The following KDM1B variants were observed in gnomAD, a reference collection of about 807,000 sequenced individuals.
The protein encoded by KDM1B is lysine demethylase 1B, also known as lysine-specific histone demethylase 2.
In KDM1B, 63 loss-of-function variants were observed where a neutral mutation model predicts 107.4. That is an observed-to-expected ratio of 0.59 (90% CI 0.48 to 0.72). The LOEUF (loss-of-function observed/expected upper bound fraction) is 0.72, where lower values mean the gene tolerates loss of function less well. Among genes scored for constraint, KDM1B ranks in the 30% least tolerant of loss-of-function variants. The pLI is 0.00. For missense variants in KDM1B, 749 were observed against 1,020.8 expected (o/e 0.73, Z 3.63); for synonymous variants, 363 against 363.9 (o/e 1.00, Z 0.03).
intron 7 of KDM1B, among the ~76,000 whole-genome samples, chr6:18,174,601 C>T (rs967223393): frequency 1.3e-5 from 2 of 151,922 alleles, no homozygotes; most frequent in Non-Finnish European, 2.9e-5. Context: ...AGCCGTTTGT[C>T]CCTAGCCCCC....
At position 18,169,234 on chromosome 6, in the gene KDM1B, AT is replaced by A. The variant is rs1177850023; in HGVS notation, c.418-2113del. ...AGTTGTAAGAATTATATATATATAA[AT>A]TTTTTTTTTTTTTTTGAGATGGAGT... On this transcript the variant is annotated intron_variant, in intron 6 of 21. Coordinates refer to ENST00000650836, the MANE Select transcript of KDM1B (RefSeq NM_001364614.2). Among the ~76,000 whole-genome samples, 971 of 140,370 alleles carry A rather than the reference AT, an allele frequency of 6.9e-3. 1 individual carries two copies. Among genetic ancestry groups the A allele is most frequent in the Non-Finnish European group, 9.2e-3 (596 of 64,712 alleles). The allele number at this position is 140,370 out of a possible 152,430, so 92.1% of individuals were successfully genotyped here. A position where few individuals can be genotyped will look rare whatever the true frequency, so the allele number is the denominator to read the frequency against.
intron 21 of KDM1B, among the ~76,000 whole-genome samples, chr6:18,219,336 A>C (rs1051201801): frequency 6.6e-6 from 1 of 152,184 alleles, no homozygotes; most frequent in Non-Finnish European, 1.5e-5. Context: ...TTATCTGCTA[A>C]AATAAAGATG....
At chr6:18,215,472 T>C (rs1228909560) in intron 20 of KDM1B, among the ~76,000 whole-genome samples, 1 of 152,204 alleles carries the variant, frequency 6.6e-6, no homozygotes, top group Non-Finnish European at 1.5e-5. Context: ...TCACATGGGC[T>C]TCCCTCTGTG....
chr6:18,169,919 TA>T (rs1438269299), intron 6 of KDM1B, among the ~76,000 whole-genome samples: 5 of 152,140 alleles, frequency 3.3e-5, no homozygotes, highest in Non-Finnish European at 7.3e-5. Flanking sequence ...TTTATTTATT[TA>T]TTTTTTTGAG....
Position 18,201,627 on chromosome 6 carries a change from A to T in KDM1B, c.1501A>T (p.Lys501Ter). The change falls in exon 14 of 22, where the codon AAG (lysine) becomes TAG (stop). Residue 501 changes from lysine (K) to a stop codon, truncating the protein, a stop_gained. Transcript: ENST00000650836. LOFTEE classifies it high-confidence loss of function. This position sits in a 1 kb window ranked among gnomAD's most constrained non-coding sequence, Gnocchi z 4.3. ...TGTTGTCTCTGAGTGGAGAAAGGAT[A>T]AGACTCAGCTCCAAGATGTCCCTTT... The part of the protein sequence containing the change: ...LDVVSEWRKD[K>*]TQLQDVPLGE... 1 of 1,550,806 alleles carries T rather than the reference A, an allele frequency of 6.4e-7. No individual in the cohort carries two copies. The highest frequency in any genetic ancestry group is 8.7e-7 in the Non-Finnish European group (1 of 1,146,970).
In KDM1B at chr6:18,223,231, TTGAG is replaced by T. The variant is rs1015197072; in HGVS notation, c.*1241_*1244del. Reference sequence around the variant, plus strand: ...ATGACTTTAAAGAGACTTCAAAATATTGAGTATTTTAAAAATTTAAAAGTAGGTC... The same window carrying T: ...ATGACTTTAAAGAGACTTCAAAATATTATTTTAAAAATTTAAAAGTAGGTC... On this transcript the variant is annotated 3_prime_UTR_variant, in exon 22 of 22. Coordinates refer to ENST00000650836, the MANE Select transcript of KDM1B (RefSeq NM_001364614.2). The T allele has an allele frequency of 1.6e-4, 25 of 152,656 alleles. No homozygotes were observed. Among genetic ancestry groups the T allele is most frequent in the African/African-American group, 6.0e-4 (25 of 41,546 alleles). The allele number at this position is 152,656 out of a possible 1,614,324, so 9.5% of individuals were successfully genotyped here.
chr6:18,187,959 C>A lies in KDM1B; in HGVS notation c.741C>A (p.Ser247Arg). The part of the protein sequence containing the change: ...TNRAAATGNA[S>R]PGKLEHSKAA... ...GCGCCGCTGCCACTGGCAATGCCAG[C>A]CCTGGGAAGCTGGAGCACTCCAAGG... is the stretch of plus-strand genomic sequence containing the variant. Residue 247 changes from serine to arginine, a missense_variant, in exon 9 of 22, where the codon AGC (serine) becomes AGA (arginine). Ser to Arg is a moderately radical substitution (Grantham distance 110). Transcript: ENST00000650836. The A allele has an allele frequency of 1.3e-6, 2 of 1,550,528 alleles. No individual in the cohort carries two copies. Among genetic ancestry groups the A allele is most frequent in the South Asian group, 1.2e-5 (1 of 84,064 alleles).
In KDM1B at chr6:18,172,980, C is replaced by T. The variant is rs1002496952; in HGVS notation, c.534+1501C>T. Reference sequence around the variant, plus strand: ...TGGCATGTGCTTGTAATCTCAGCTACTCGGGAGGCTAAGGTAGGAGAATCA... The same window carrying T: ...TGGCATGTGCTTGTAATCTCAGCTATTCGGGAGGCTAAGGTAGGAGAATCA... On this transcript the variant is annotated intron_variant, in intron 7 of 21. Transcript: ENST00000650836. The surrounding 1 kb of genome is among the most constrained non-coding windows in gnomAD (Gnocchi z 5.2). Among the ~76,000 whole-genome samples the T allele has an allele frequency of 6.6e-6, 1 of 151,568 alleles. No homozygotes were observed. The highest frequency in any genetic ancestry group is 6.6e-5 in the Admixed American group (1 of 15,178).
At chr6:18,196,609 C>G (rs1411832786) in intron 10 of KDM1B, among the ~76,000 whole-genome samples, 1 of 151,882 alleles carries the variant, frequency 6.6e-6, no homozygotes, top group East Asian at 1.9e-4. Flanking sequence ...ACTTTTGTAC[C>G]TTTGGGTTCC....
chr6:18,164,606 T>G (rs977793057), intron 5 of KDM1B, among the ~76,000 whole-genome samples: 1 of 152,130 alleles, frequency 6.6e-6, no homozygotes, highest in African/African-American at 2.4e-5. Context: ...ATGATACACC[T>G]TTCTTTGTTT....
chr6:18,207,760 T>C (rs1383459572), intron 16 of KDM1B, among the ~76,000 whole-genome samples: 1 of 152,228 alleles, frequency 6.6e-6, no homozygotes, highest in Non-Finnish European at 1.5e-5. Context: ...AAGAAGGTAT[T>C]CAAATTGCTT....
intron 7 of KDM1B, among the ~76,000 whole-genome samples, chr6:18,181,989 A>T (rs1786514979): frequency 6.6e-6 from 1 of 151,960 alleles, no homozygotes; most frequent in African/African-American, 2.4e-5. Context: ...ACTCTGACTT[A>T]TATGTTTATG....
rs2151030189 is a variant in KDM1B, at chr6:18,214,472, G to A, written c.2110-535G>A. Among the ~76,000 whole-genome samples the A allele has an allele frequency of 2.6e-5, 4 of 152,306 alleles. No individual in the cohort carries two copies. The Middle Eastern group carries it at 0.01, about 389-fold the overall frequency. On this transcript the variant is annotated intron_variant, in intron 19 of 21. Coordinates refer to ENST00000650836, the MANE Select transcript of KDM1B (RefSeq NM_001364614.2). This position sits in a 1 kb window ranked among gnomAD's most constrained non-coding sequence, Gnocchi z 4.4. ...GAACAGCCAAGGGAACCTTAAAGTT[G>A]CTATTTACATTTCTTAGTGTTTTTC... is the stretch of plus-strand genomic sequence containing the variant.
At chr6:18,220,690 C>A (rs778185913) in intron 21 of KDM1B, among the ~76,000 whole-genome samples, 6 of 152,172 alleles carry the variant, frequency 3.9e-5, no homozygotes, top group Non-Finnish European at 5.9e-5. Flanking sequence ...CTGTTTCAGG[C>A]TACTGTGCCT....
In KDM1B at chr6:18,159,702, G is replaced by A. The variant is rs1448288175; in HGVS notation, c.-13-181G>A. On this transcript the variant is annotated intron_variant, in intron 2 of 21. Transcript: ENST00000650836. This position sits in a 1 kb window ranked among gnomAD's most constrained non-coding sequence, Gnocchi z 4.5. ...GTGGGAGAATCGCTTGAGCCCAGGA[G>A]TTCCAGGCTAGCCTGGGCAACATGG... Among the ~76,000 whole-genome samples the A allele has an allele frequency of 6.6e-6, 1 of 152,176 alleles. No homozygotes were observed. Among genetic ancestry groups the A allele is most frequent in the East Asian group, 1.9e-4 (1 of 5,180 alleles).
In KDM1B at chr6:18,197,874, C is replaced by T. The variant is rs72840615; in HGVS notation, c.1221+213C>T. ...TCACAGCTTTGGAGATAATTTTAGACTCTAATGAGCAAGTCAGAAGAAATT... is the reference window on the plus strand; with the variant it reads ...TCACAGCTTTGGAGATAATTTTAGATTCTAATGAGCAAGTCAGAAGAAATT... On this transcript the variant is annotated intron_variant, in intron 12 of 21. Coordinates refer to ENST00000650836, the MANE Select transcript of KDM1B (RefSeq NM_001364614.2). The surrounding 1 kb of genome is among the most constrained non-coding windows in gnomAD (Gnocchi z 4.5). Among the ~76,000 whole-genome samples the T allele has an allele frequency of 0.13, 20,333 of 151,306 alleles. 1,459 individuals carry two copies. The highest frequency in any genetic ancestry group is 0.19 in the Admixed American group (2,913 of 15,202).
At position 18,209,650 on chromosome 6, in the gene KDM1B, G is replaced by C. The variant is rs1788685738; in HGVS notation, c.1866+1444G>C. ...AGACAGGGTCTCAGTCTGTCGCCCA[G>C]GCTGGAGTGCAGTGGCACAGTCATA... On this transcript the variant is annotated intron_variant, in intron 17 of 21. Coordinates refer to ENST00000650836, the MANE Select transcript of KDM1B (RefSeq NM_001364614.2). The surrounding 1 kb of genome is among the most constrained non-coding windows in gnomAD (Gnocchi z 4.3). 6.6e-6 allele frequency among the ~76,000 whole-genome samples: 1 copy of C among 152,170 alleles called. No individual in the cohort carries two copies. The highest frequency in any genetic ancestry group is 6.5e-5 in the Admixed American group (1 of 15,276).
intron 20 of KDM1B, among the ~76,000 whole-genome samples, chr6:18,216,044 AAG>A (rs544600677): frequency 6.0e-4 from 92 of 152,284 alleles, no homozygotes; most frequent in Admixed American, 1.6e-3. Flanking sequence ...GTTAAAGAGA[AAG>A]GGGCATTCAG....
intron 10 of KDM1B, among the ~76,000 whole-genome samples, chr6:18,193,868 G>A (rs1787461388): frequency 6.6e-6 from 1 of 150,948 alleles, no homozygotes; most frequent in South Asian, 2.1e-4. Flanking sequence ...AGCAGAGAAA[G>A]ACAGTGTCTT....
Sources: gnomAD v4.1 joint callset for allele counts (sites outside exome capture counted in the v4.1 genomes callset) on GRCh38, gnomAD v4.1.1 for gene constraint, Gnocchi (gnomAD v3.1) non-coding constraint, MANE v1.5 for transcripts, NCBI Gene and HGNC (gene_info 2026-07-23, HGNC 2026-07-21) for gene names.